COLGALT2: variants seen among roughly 807,000 people sequenced by gnomAD.
COLGALT2 encodes the protein collagen beta(1-O)galactosyltransferase 2, also known as procollagen galactosyltransferase 2.
In COLGALT2, 49 loss-of-function variants were observed where a neutral mutation model predicts 73.4. The observed-to-expected ratio is 0.67, with a 90% CI of 0.53 to 0.85. The LOEUF (loss-of-function observed/expected upper bound fraction) is 0.85, where lower values mean the gene tolerates loss of function less well. COLGALT2 is among the 40% of genes least tolerant of loss of function. COLGALT2 has a pLI of 0.00. For synonymous variants in COLGALT2, 295 were observed against 307.6 expected (o/e 0.96, Z 0.43); for missense variants, 722 against 790.2 (o/e 0.91, Z 1.03).
At chr1:184,019,352 C>T (rs1472065462) in intron 1 of COLGALT2, among the ~76,000 whole-genome samples, 1 of 152,176 alleles carries the variant, frequency 6.6e-6, no homozygotes, top group Non-Finnish European at 1.5e-5. Context: ...CAGGACAGAG[C>T]TAATGGGTTT....
At chr1:183,984,311 A>C (rs1343274664) in intron 1 of COLGALT2, among the ~76,000 whole-genome samples, 2 of 152,232 alleles carry the variant, frequency 1.3e-5, no homozygotes, top group Middle Eastern at 6.3e-3. Context: ...AAGCTGAGGC[A>C]GGAAAATTGC....
chr1:184,014,277 C>T (rs1188455430), intron 1 of COLGALT2, among the ~76,000 whole-genome samples: 1 of 152,050 alleles, frequency 6.6e-6, no homozygotes, highest in East Asian at 1.9e-4. Flanking sequence ...GGGAAGACAG[C>T]AAGGTAAGAA....
chr1:184,005,763 T>C (rs1328311702), intron 1 of COLGALT2, among the ~76,000 whole-genome samples: 1 of 152,164 alleles, frequency 6.6e-6, no homozygotes, highest in Non-Finnish European at 1.5e-5. Flanking sequence ...GTGCGAATCA[T>C]GAGACCTCTC....
At chr1:184,020,040 T>C (rs1649127103) in intron 1 of COLGALT2, among the ~76,000 whole-genome samples, 2 of 152,210 alleles carry the variant, frequency 1.3e-5, no homozygotes, top group Admixed American at 1.3e-4. Flanking sequence ...TTTAGACTTA[T>C]TGGATGGCAG....
intron 1 of COLGALT2, among the ~76,000 whole-genome samples, chr1:184,035,345 A>T (rs1282750523): frequency 1.3e-5 from 2 of 152,218 alleles, no homozygotes; most frequent in Non-Finnish European, 2.9e-5. Context: ...CACATATCAA[A>T]CTAGTAATAA....
chr1:184,015,235 G>C (rs1648961691), intron 1 of COLGALT2, among the ~76,000 whole-genome samples: 4 of 152,222 alleles, frequency 2.6e-5, no homozygotes, highest in Admixed American at 6.5e-5. Context: ...TCAGATTGTA[G>C]GGAACATGGC....
At chr1:184,000,517 G>A (rs908123081) in intron 1 of COLGALT2, among the ~76,000 whole-genome samples, 20 of 151,746 alleles carry the variant, frequency 1.3e-4, no homozygotes, top group East Asian at 9.7e-4. Flanking sequence ...ATATTGTTAC[G>A]TCATATTTTA....
chr1:183,949,108 C>G (rs921925048), intron 8 of COLGALT2, among the ~76,000 whole-genome samples: 1 of 152,100 alleles, frequency 6.6e-6, no homozygotes. Flanking sequence ...AAAGACATTC[C>G]ATGATTACGA....
chr1:183,958,731 TG>T (rs1221465669), intron 6 of COLGALT2, among the ~76,000 whole-genome samples: 1 of 149,564 alleles, frequency 6.7e-6, no homozygotes, highest in East Asian at 1.9e-4. Context: ...AATATTGTTC[TG>T]GGCTGCAACC....
intron 6 of COLGALT2, among the ~76,000 whole-genome samples, chr1:183,956,994 G>T (rs1670570657): frequency 6.6e-6 from 1 of 152,008 alleles, no homozygotes; most frequent in African/African-American, 2.4e-5. Flanking sequence ...TAATTGATCT[G>T]GTCTCTCATT....
At chr1:183,993,931 A>G (rs1671698026) in intron 1 of COLGALT2, among the ~76,000 whole-genome samples, 4 of 149,664 alleles carry the variant, frequency 2.7e-5, no homozygotes, top group Admixed American at 2.7e-4. Flanking sequence ...CAGGACTGTT[A>G]TGTGTATGAA....
At chr1:184,023,652 G>C (rs557678260) in intron 1 of COLGALT2, among the ~76,000 whole-genome samples, 5 of 151,340 alleles carry the variant, frequency 3.3e-5, no homozygotes, top group African/African-American at 9.8e-5. Flanking sequence ...GTGGGGGGGG[G>C]GGGCGGTGCC....
chr1:184,010,337 C>T (rs1019986601), intron 1 of COLGALT2, among the ~76,000 whole-genome samples: 1 of 152,206 alleles, frequency 6.6e-6, no homozygotes, highest in African/African-American at 2.4e-5. Flanking sequence ...GGCCCACAGG[C>T]ACCTAGTTTA....
chr1:183,939,133 A>G, intron 11 of COLGALT2, 96 bp from the exon 12 acceptor site: 3 of 782,628 alleles, frequency 3.8e-6, no homozygotes, highest in Non-Finnish European at 6.2e-6. Context: ...TTACCTCATG[A>G]GTTCATTTCA....
chr1:184,015,613 AG>A (rs1197225500), intron 1 of COLGALT2, among the ~76,000 whole-genome samples: 1 of 152,230 alleles, frequency 6.6e-6, no homozygotes, highest in Non-Finnish European at 1.5e-5. Context: ...CTCCCTGTGT[AG>A]GTACCTATGG....
chr1:183,952,028 C>T (rs1266359850), intron 7 of COLGALT2, among the ~76,000 whole-genome samples: 1 of 152,098 alleles, frequency 6.6e-6, no homozygotes, highest in Admixed American at 6.6e-5. Flanking sequence ...AATAGAGAAC[C>T]AGAAATAAGT....
intron 1 of COLGALT2, among the ~76,000 whole-genome samples, chr1:184,034,904 G>C (rs1170766595): frequency 6.6e-6 from 1 of 152,160 alleles, no homozygotes; most frequent in Non-Finnish European, 1.5e-5. Flanking sequence ...TATTTCCAAA[G>C]GTTCTTTACA....
chr1:183,962,843 G>A (rs1482810113), intron 6 of COLGALT2, among the ~76,000 whole-genome samples: 3 of 152,172 alleles, frequency 2.0e-5, no homozygotes, highest in Admixed American at 6.5e-5. Flanking sequence ...ACATTTCTGT[G>A]CTAAAATCTT....
chr1:184,014,167 A>G (rs1648924218), intron 1 of COLGALT2, among the ~76,000 whole-genome samples: 1 of 152,204 alleles, frequency 6.6e-6, no homozygotes, highest in Non-Finnish European at 1.5e-5. Flanking sequence ...AACGGACCAG[A>G]CTACTTGAGG....
Sources: gnomAD v4.1 joint callset for allele counts (sites outside exome capture counted in the v4.1 genomes callset) on GRCh38, gnomAD v4.1.1 for gene constraint, MANE v1.5 for transcripts, NCBI Gene and HGNC (gene_info 2026-07-23, HGNC 2026-07-21) for gene names.